RAD18: variants seen among roughly 807,000 people sequenced by gnomAD.
The protein encoded by RAD18 is RAD18 E3 ubiquitin protein ligase.
In RAD18, 47 loss-of-function variants were observed where a neutral mutation model predicts 60.4. That is an observed-to-expected ratio of 0.78 (90% CI 0.62 to 0.99). RAD18 has a LOEUF of 0.99. Ranked by LOEUF, RAD18 falls within the 50% of genes least tolerant of loss-of-function variation. The probability of loss-of-function intolerance (pLI) is 0.00; values close to 1 mark genes in which losing one functional copy is unlikely to be tolerated. For missense variants in RAD18, 640 were observed against 593.3 expected (o/e 1.08, Z -0.82); for synonymous variants, 225 against 195.5 (o/e 1.15, Z -1.26).
In RAD18 at chr3:8,890,475, T is replaced by C. The variant is rs771964687; in HGVS notation, c.1323-24A>G. Reference sequence around the variant, plus strand: ...AACTAAAAGGATATGTACATCAGTATTGACAGACAACAAGAAGACTGTATC... The same window carrying C: ...AACTAAAAGGATATGTACATCAGTACTGACAGACAACAAGAAGACTGTATC... On this transcript the variant is annotated intron_variant, in intron 11 of 12. Coordinates refer to ENST00000264926, the MANE Select transcript of RAD18 (RefSeq NM_020165.4). 8.0e-6 allele frequency: 12 copies of C among 1,499,742 alleles called. 1 individual carries two copies. Among genetic ancestry groups the C allele is most frequent in the African/African-American group, 1.4e-5 (1 of 72,310 alleles). 92.9% of individuals were successfully genotyped at this position (1,499,742 alleles called of 1,614,324 possible).
intron 12 of RAD18, among the ~76,000 whole-genome samples, chr3:8,888,598 A>C (rs577467264): frequency 1.3e-5 from 2 of 152,228 alleles, no homozygotes; most frequent in African/African-American, 4.8e-5. Context: ...TTAAAACTAC[A>C]TCACAGCAGA....
chr3:8,934,308 C>T (rs895304019), intron 7 of RAD18, among the ~76,000 whole-genome samples: 1 of 152,006 alleles, frequency 6.6e-6, no homozygotes, highest in African/African-American at 2.4e-5. Context: ...TTCAATGATG[C>T]CATTAAGAGA....
At chr3:8,952,627 T>C (rs758239837) in intron 2 of RAD18, among the ~76,000 whole-genome samples, 7 of 152,236 alleles carry the variant, frequency 4.6e-5, no homozygotes, top group Non-Finnish European at 7.3e-5. Flanking sequence ...AAGTCAAAAA[T>C]GGACAAATAT....
In RAD18 at chr3:8,950,576, C is replaced by A. The variant is rs78222585; in HGVS notation, c.134-2006G>T. On this transcript the variant is annotated intron_variant, in intron 2 of 12. Coordinates refer to ENST00000264926, the MANE Select transcript of RAD18 (RefSeq NM_020165.4). ...GACTATAGAATGTGTCCCCTCTGCCCATACCTAAAGGCCTATTTACTGCAG... is the reference window on the plus strand; with the variant it reads ...GACTATAGAATGTGTCCCCTCTGCCAATACCTAAAGGCCTATTTACTGCAG... Among the ~76,000 whole-genome samples, 601 of 152,296 alleles carry A rather than the reference C, an allele frequency of 3.9e-3. 4 individuals are homozygous for A. Among genetic ancestry groups the A allele is most frequent in the South Asian group, 0.015 (74 of 4,820 alleles).
intron 11 of RAD18, among the ~76,000 whole-genome samples, chr3:8,895,899 G>A (rs1156629303): frequency 6.6e-6 from 1 of 152,142 alleles, no homozygotes; most frequent in Non-Finnish European, 1.5e-5. Flanking sequence ...CCGAACACTG[G>A]ACTTTCCCAT....
At chr3:8,935,796 T>C (rs1940639219) in intron 7 of RAD18, 75 bp downstream of exon 7, 8 of 1,269,312 alleles carry the variant, frequency 6.3e-6, no homozygotes, top group South Asian at 1.7e-5. Context: ...TATTTTTCTA[T>C]GGTTTATAAT....
intron 7 of RAD18, among the ~76,000 whole-genome samples, chr3:8,918,255 T>C (rs1460874920): frequency 7.1e-6 from 1 of 140,888 alleles, no homozygotes; most frequent in Non-Finnish European, 1.5e-5. Flanking sequence ...GAGGAGGAGG[T>C]TGTAGTGAGC....
chr3:8,958,459 A>G (rs1941045720), intron 2 of RAD18, among the ~76,000 whole-genome samples: 1 of 152,254 alleles, frequency 6.6e-6, no homozygotes, highest in Non-Finnish European at 1.5e-5. Context: ...AGCGTCACAT[A>G]GCAGTTAAGG....
At chr3:8,884,645 C>T (rs45454898) in intron 12 of RAD18, among the ~76,000 whole-genome samples, 2,029 of 152,022 alleles carry the variant, frequency 0.013, 93 homozygotes, top group Admixed American at 0.096. Context: ...TTCCATGTTT[C>T]CCCTCTTTGA....
At chr3:8,960,101 A>C (rs556672729) in intron 1 of RAD18, among the ~76,000 whole-genome samples, 6 of 152,298 alleles carry the variant, frequency 3.9e-5, no homozygotes, top group South Asian at 2.1e-4. Context: ...TGAGTCCAGG[A>C]GTTTGAGACC....
chr3:8,891,411 G>C (rs1366910227), intron 11 of RAD18, among the ~76,000 whole-genome samples: 1 of 152,116 alleles, frequency 6.6e-6, no homozygotes, highest in Non-Finnish European at 1.5e-5. Context: ...AACTAACCTA[G>C]TAGAGTCTGT....
At chr3:8,953,479 G>A (rs1233096720) in intron 2 of RAD18, among the ~76,000 whole-genome samples, 1 of 152,100 alleles carries the variant, frequency 6.6e-6, no homozygotes, top group East Asian at 1.9e-4. Flanking sequence ...ATATGTACTG[G>A]TAAGCTGCAG....
At chr3:8,928,490 C>T (rs561331) in intron 7 of RAD18, among the ~76,000 whole-genome samples, 104,493 of 151,342 alleles carry the variant, frequency 0.69, 36,572 homozygotes, top group Middle Eastern at 0.77. Flanking sequence ...AATAAAGTAG[C>T]TGCTATACTC....
chr3:8,943,177 C>T (rs1476836098), intron 4 of RAD18, among the ~76,000 whole-genome samples: 1 of 152,114 alleles, frequency 6.6e-6, no homozygotes, highest in Non-Finnish European at 1.5e-5. Flanking sequence ...GTTTCAACCA[C>T]AATGTTCAGC....
intron 9 of RAD18, 69 bp downstream of exon 9, chr3:8,912,243 G>A: frequency 1.7e-6 from 2 of 1,210,468 alleles, no homozygotes; most frequent in African/African-American, 1.6e-5. Context: ...ACATTATTCT[G>A]AAAAATTACT....
chr3:8,929,199 AAAGT>A (rs781130422), intron 7 of RAD18, among the ~76,000 whole-genome samples: 2 of 152,134 alleles, frequency 1.3e-5, no homozygotes, highest in East Asian at 1.9e-4. Context: ...AATTAAACCT[AAAGT>A]AAGTAGAAAG....
intron 4 of RAD18, among the ~76,000 whole-genome samples, chr3:8,946,364 C>T (rs519999): frequency 0.55 from 83,712 of 152,092 alleles, 26,526 homozygotes; most frequent in Middle Eastern, 0.72. Flanking sequence ...GTAAGTACAC[C>T]GTATGATGTT....
At chr3:8,932,700 A>G (rs1406629688) in intron 7 of RAD18, among the ~76,000 whole-genome samples, 1 of 152,222 alleles carries the variant, frequency 6.6e-6, no homozygotes, top group East Asian at 1.9e-4. Context: ...TAACAGCTTT[A>G]CTGATAATAA....
At chr3:8,954,260 T>C (rs1301948380) in intron 2 of RAD18, among the ~76,000 whole-genome samples, 2 of 152,244 alleles carry the variant, frequency 1.3e-5, no homozygotes, top group South Asian at 2.1e-4. Context: ...CTGGACACTT[T>C]AGATGTTTCT....
Sources: gnomAD v4.1 joint callset for allele counts (sites outside exome capture counted in the v4.1 genomes callset) on GRCh38, gnomAD v4.1.1 for gene constraint, MANE v1.5 for transcripts, NCBI Gene and HGNC (gene_info 2026-07-23, HGNC 2026-07-21) for gene names.